Variants in CNTNAP2 observed in about 807,000 individuals in gnomAD.
CNTNAP2 encodes the protein contactin associated protein 2.
In CNTNAP2, 98 loss-of-function variants were observed where a neutral mutation model predicts 155.2. The observed-to-expected ratio is 0.63, with a 90% CI of 0.54 to 0.75. The LOEUF (loss-of-function observed/expected upper bound fraction) is 0.75. CNTNAP2 is among the 30% of genes least tolerant of loss of function. The pLI, the probability that CNTNAP2 is intolerant of heterozygous loss-of-function variation, is 0.00. For missense variants in CNTNAP2, 1,727 were observed against 1,688.1 expected, an observed-to-expected ratio of 1.02 and a Z score of -0.40; for synonymous variants, 651 against 631.2, an observed-to-expected ratio of 1.03 and a Z score of -0.47.
intron 1 of CNTNAP2, among the ~76,000 whole-genome samples, chr7:146,660,209 A>G (rs1272742195): frequency 6.6e-6 from 1 of 152,232 alleles, no homozygotes; most frequent in African/African-American, 2.4e-5. Context: ...ATAATATCTA[A>G]TGATTGGATG....
intron 12 of CNTNAP2, among the ~76,000 whole-genome samples, chr7:147,600,164 A>G (rs966415233): frequency 6.6e-6 from 1 of 152,186 alleles, no homozygotes; most frequent in Admixed American, 6.5e-5. Flanking sequence ...TTCATCCACC[A>G]CTGATCTGTC....
At chr7:146,349,534 C>T (rs938838430) in intron 1 of CNTNAP2, among the ~76,000 whole-genome samples, 2 of 152,148 alleles carry the variant, frequency 1.3e-5, no homozygotes, top group Middle Eastern at 3.4e-3. Flanking sequence ...TTATTTTGCT[C>T]GTTAGTTGAC....
At chr7:148,137,682 AAGGAAG>A (rs1804985062) in intron 16 of CNTNAP2, among the ~76,000 whole-genome samples, 8 of 94,744 alleles carry the variant, frequency 8.4e-5, no homozygotes, top group African/African-American at 3.5e-4. Context: ...GGAAGGAAGG[AAGGAAG>A]GAAGGAAGGA....
chr7:146,209,899 G>A (rs1018463298), intron 1 of CNTNAP2, among the ~76,000 whole-genome samples: 2 of 152,008 alleles, frequency 1.3e-5, no homozygotes, highest in Non-Finnish European at 2.9e-5. Context: ...GTGAGTTGTC[G>A]AGGTGAAGAA....
At chr7:146,978,930 G>C (rs1797963634) in intron 3 of CNTNAP2, among the ~76,000 whole-genome samples, 2 of 152,056 alleles carry the variant, frequency 1.3e-5, no homozygotes, top group Admixed American at 6.6e-5. Flanking sequence ...GTTAAACACA[G>C]AGCACTTTTA....
At chr7:146,668,437 T>TGTGTGGGG (rs770252823) in intron 1 of CNTNAP2, among the ~76,000 whole-genome samples, 1 of 103,116 alleles carries the variant, frequency 9.7e-6, no homozygotes, top group Admixed American at 8.5e-5. Flanking sequence ...CCTGTGTGTG[T>TGTGTGGGG]GTGTGTGTGT....
intron 1 of CNTNAP2, among the ~76,000 whole-genome samples, chr7:146,449,960 C>T (rs1212765544): frequency 1.3e-5 from 2 of 152,124 alleles, no homozygotes; most frequent in African/African-American, 4.8e-5. Flanking sequence ...ATCCAATCTG[C>T]CTAGTTATCA....
chr7:148,093,140 G>A (rs1277923626), intron 15 of CNTNAP2, among the ~76,000 whole-genome samples: 11 of 151,424 alleles, frequency 7.3e-5, no homozygotes, highest in Admixed American at 7.2e-4. Context: ...ATACCAGATA[G>A]CTGTTTGATA....
At chr7:146,815,824 T>G (rs2129194935) in intron 2 of CNTNAP2, among the ~76,000 whole-genome samples, 1 of 152,312 alleles carries the variant, frequency 6.6e-6, no homozygotes, top group Admixed American at 6.5e-5. Flanking sequence ...GTTTGTTACA[T>G]ATGTATACAT....
At chr7:148,298,038 A>G (rs1262157651) in intron 21 of CNTNAP2, among the ~76,000 whole-genome samples, 1 of 152,222 alleles carries the variant, frequency 6.6e-6, no homozygotes, top group Non-Finnish European at 1.5e-5. Flanking sequence ...ATTTAAAGTA[A>G]ATAAAACTCA....
At chr7:148,226,949 A>G (rs1795863384) in intron 19 of CNTNAP2, among the ~76,000 whole-genome samples, 1 of 152,086 alleles carries the variant, frequency 6.6e-6, no homozygotes, top group Non-Finnish European at 1.5e-5. Context: ...CCTTAAACCT[A>G]CTTCTGCCCC....
chr7:146,779,799 T>C (rs1327170397), intron 2 of CNTNAP2, among the ~76,000 whole-genome samples: 1 of 152,190 alleles, frequency 6.6e-6, no homozygotes, highest in Non-Finnish European at 1.5e-5. Context: ...GTGATGTTGT[T>C]TTCACATTAG....
chr7:147,757,688 A>G lies in CNTNAP2; in HGVS notation c.2098+118382A>G, dbSNP rs547140670. Among the ~76,000 whole-genome samples, 5 of 152,260 alleles carry G rather than the reference A, an allele frequency of 3.3e-5. No homozygotes were observed. In the East Asian group the frequency reaches 9.7e-4, roughly 29 times the overall value. ...TCAGTTGGCTCTTGTGTTTCTAGAC[A>G]TACTCCATAGTTGGTTTCCTTAGAG... is the stretch of plus-strand genomic sequence containing the variant. On this transcript the variant is annotated intron_variant, in intron 13 of 23. Transcript: ENST00000361727.
intron 1 of CNTNAP2, among the ~76,000 whole-genome samples, chr7:146,460,451 A>G (rs1429635371): frequency 6.6e-6 from 1 of 152,202 alleles, no homozygotes; most frequent in Non-Finnish European, 1.5e-5. Context: ...AAATGAAATT[A>G]GTATGTCAAG....
chr7:146,217,414 T>C (rs1054954663), intron 1 of CNTNAP2, among the ~76,000 whole-genome samples: 5 of 152,180 alleles, frequency 3.3e-5, no homozygotes, highest in African/African-American at 1.2e-4. Context: ...AGGTTTGTTA[T>C]ACAGGTAAGT....
At chr7:146,433,373 GA>G (rs1273000839) in intron 1 of CNTNAP2, among the ~76,000 whole-genome samples, 41 of 152,112 alleles carry the variant, frequency 2.7e-4, no homozygotes, top group African/African-American at 8.0e-4. Context: ...GATGCTCAGT[GA>G]ATGGAGAGTA....
chr7:147,901,672 A>G (rs1316171385), intron 13 of CNTNAP2, among the ~76,000 whole-genome samples: 1 of 152,208 alleles, frequency 6.6e-6, no homozygotes. Context: ...GACCTTCAAG[A>G]TGCAGCTCAA....
chr7:146,959,706 C>A (rs1483790054), intron 3 of CNTNAP2, among the ~76,000 whole-genome samples: 1 of 123,412 alleles, frequency 8.1e-6, no homozygotes. Context: ...GGCATCACAG[C>A]GAGTCTCAAA....
chr7:147,808,654 C>T (rs1465971177), intron 13 of CNTNAP2, among the ~76,000 whole-genome samples: 3 of 152,194 alleles, frequency 2.0e-5, no homozygotes, highest in African/African-American at 7.2e-5. Context: ...TTGAAGACCA[C>T]ATAAAAATGC....
Sources: gnomAD v4.1 joint callset for allele counts (sites outside exome capture counted in the v4.1 genomes callset) on GRCh38, gnomAD v4.1.1 for gene constraint, MANE v1.5 for transcripts, NCBI Gene and HGNC (gene_info 2026-07-23, HGNC 2026-07-21) for gene names.